HIVEP3: variants seen among roughly 807,000 people sequenced by gnomAD.
The protein encoded by HIVEP3 is transcription factor HIVEP3.
A neutral mutation model predicts 152.8 loss-of-function variants in HIVEP3; 49 were observed. The observed-to-expected ratio is 0.32, with a 90% CI of 0.26 to 0.41. The LOEUF (loss-of-function observed/expected upper bound fraction) is 0.41, where lower values mean the gene tolerates loss of function less well. HIVEP3 is among the 10% of genes least tolerant of loss of function. The pLI, the probability that HIVEP3 is intolerant of heterozygous loss-of-function variation, is 1.00. For missense variants in HIVEP3, 2,790 were observed against 3,103.3 expected (o/e 0.90, Z 2.40); for synonymous variants, 1,269 against 1,289.0 (o/e 0.98, Z 0.33).
chr1:41,748,948 G>GCA (rs1647113328), intron 1 of HIVEP3, among the ~76,000 whole-genome samples: 1 of 152,334 alleles, frequency 6.6e-6, no homozygotes. Flanking sequence ...TGGGCTCAGA[G>GCA]TGTGTGTGCC....
intron 5 of HIVEP3, among the ~76,000 whole-genome samples, chr1:41,568,468 C>T (rs1644202607): frequency 6.6e-6 from 1 of 152,202 alleles, no homozygotes; most frequent in African/African-American, 2.4e-5. Flanking sequence ...CACATGCAGG[C>T]CCGTGAGGGC....
chr1:41,739,163 C>T (rs1398628957), intron 1 of HIVEP3, among the ~76,000 whole-genome samples: 1 of 152,256 alleles, frequency 6.6e-6, no homozygotes, highest in Non-Finnish European at 1.5e-5. Context: ...GCCGCCTCTG[C>T]CCCTGCATGG....
At position 41,856,086 on chromosome 1, in the gene HIVEP3, A is replaced by T. The variant is rs1166479060; in HGVS notation, c.-801+62327T>A. Among the ~76,000 whole-genome samples the T allele has an allele frequency of 2.6e-5, 4 of 152,346 alleles. No individual in the cohort carries two copies. In the South Asian group the frequency reaches 8.3e-4, roughly 32 times the overall value. On this transcript the variant is annotated intron_variant, in intron 1 of 8. Transcript: ENST00000372583. ...CTGCCCATATGGAGAATACCAGAGC[A>T]TGGGAATGTGACCTGTATTACCAGA...
At chr1:41,945,120 T>G (rs1645067966) in intron 1 of HIVEP3, among the ~76,000 whole-genome samples, 1 of 152,090 alleles carries the variant, frequency 6.6e-6, no homozygotes, top group Admixed American at 6.5e-5. Flanking sequence ...AACTCACAAT[T>G]ATGTAAAAAG....
intron 1 of HIVEP3, among the ~76,000 whole-genome samples, chr1:41,926,269 C>A (rs1426154675): frequency 6.6e-6 from 1 of 152,200 alleles, no homozygotes; most frequent in Non-Finnish European, 1.5e-5. Flanking sequence ...AAGCCACACA[C>A]CTCCCCTGAC....
intron 1 of HIVEP3, among the ~76,000 whole-genome samples, chr1:42,026,271 C>A (rs1006972752): frequency 1.3e-5 from 2 of 152,116 alleles, no homozygotes; most frequent in African/African-American, 4.8e-5. Context: ...AGACTCTCCA[C>A]CTTGAGCAAG....
At position 41,510,383 on chromosome 1, in the gene HIVEP3, G is replaced by A. The variant is rs921929360; in HGVS notation, c.*68C>T. On this transcript the variant is annotated 3_prime_UTR_variant, in exon 9 of 9. Coordinates refer to ENST00000372583, the MANE Select transcript of HIVEP3 (RefSeq NM_024503.5). ...TGGGGCTGAGGAAGTGGGATGATTCGAGGAAAGTGGCTGGAAACGTCTGTT... is the reference window on the plus strand; with the variant it reads ...TGGGGCTGAGGAAGTGGGATGATTCAAGGAAAGTGGCTGGAAACGTCTGTT... 2.3e-5 allele frequency: 30 copies of A among 1,326,038 alleles called. No individual in the cohort carries two copies. The highest frequency in any genetic ancestry group is 1.4e-4 in the African/African-American group (9 of 65,652). The allele number at this position is 1,326,038 out of a possible 1,614,324, so 82.1% of individuals were successfully genotyped here. A position where few individuals can be genotyped will look rare whatever the true frequency, so the allele number is the denominator to read the frequency against.
intron 4 of HIVEP3, 76 bp from the exon 5 acceptor site, chr1:41,575,765 C>A: frequency 6.7e-7 from 1 of 1,498,840 alleles, no homozygotes; most frequent in South Asian, 1.2e-5. Context: ...TGCTAATAAT[C>A]ATGCCTTACA....
At chr1:41,666,378 C>T (rs528463138) in intron 2 of HIVEP3, among the ~76,000 whole-genome samples, 60 of 152,286 alleles carry the variant, frequency 3.9e-4, no homozygotes, top group African/African-American at 1.4e-3. Context: ...CTTGGAGCCA[C>T]ATAGACCTGG....
chr1:42,020,828 G>A (rs945733175), intron 1 of HIVEP3, among the ~76,000 whole-genome samples: 2 of 152,152 alleles, frequency 1.3e-5, no homozygotes, highest in Non-Finnish European at 2.9e-5. Flanking sequence ...GAGGTGGAAA[G>A]GAAAGGCCAC....
chr1:41,948,946 A>G (rs1645090120), intron 1 of HIVEP3, among the ~76,000 whole-genome samples: 1 of 152,194 alleles, frequency 6.6e-6, no homozygotes, highest in Non-Finnish European at 1.5e-5. Flanking sequence ...CAGCCCAGAA[A>G]TAAACACCAC....
At chr1:41,925,270 C>A (rs777447576) in intron 1 of HIVEP3, among the ~76,000 whole-genome samples, 1 of 152,202 alleles carries the variant, frequency 6.6e-6, no homozygotes, top group Non-Finnish European at 1.5e-5. Context: ...GTCAAAAATT[C>A]ATGTATAACT....
At chr1:41,935,260 A>T (rs1325504) in intron 1 of HIVEP3, among the ~76,000 whole-genome samples, 121,930 of 152,132 alleles carry the variant, frequency 0.8, 49,624 homozygotes, top group East Asian at 0.96. Flanking sequence ...GAAACTCGTC[A>T]AATCCACAGA....
At chr1:41,567,329 G>A (rs1481743924) in intron 5 of HIVEP3, among the ~76,000 whole-genome samples, 1 of 152,198 alleles carries the variant, frequency 6.6e-6, no homozygotes, top group Non-Finnish European at 1.5e-5. Context: ...TCAGGATCCT[G>A]CTCTTCGTGC....
upstream of HIVEP3, among the ~76,000 whole-genome samples, chr1:41,922,854 T>C (rs571824152): frequency 1.6e-4 from 24 of 151,680 alleles, no homozygotes; most frequent in African/African-American, 5.6e-4. Context: ...AAGAGAGAGA[T>C]AAAGAAAAGG....
At chr1:41,656,271 C>T (rs1387220705) in intron 2 of HIVEP3, among the ~76,000 whole-genome samples, 2 of 152,224 alleles carry the variant, frequency 1.3e-5, no homozygotes, top group Non-Finnish European at 2.9e-5. Flanking sequence ...AGCACTTGCA[C>T]ATCAAAGGCC....
intron 1 of HIVEP3, among the ~76,000 whole-genome samples, chr1:41,815,751 TTG>T (rs1651220614): frequency 7.9e-6 from 1 of 126,350 alleles, no homozygotes; most frequent in Non-Finnish European, 1.7e-5. Flanking sequence ...TGCTTTTTTA[TTG>T]TTTTTTTTTT....
intron 5 of HIVEP3, among the ~76,000 whole-genome samples, chr1:41,529,789 C>G (rs892899332): frequency 2.0e-5 from 3 of 149,364 alleles, no homozygotes; most frequent in African/African-American, 7.4e-5. Context: ...CCCACACACT[C>G]ATACATACAC....
At chr1:41,570,992 C>A (rs545032027) in intron 5 of HIVEP3, among the ~76,000 whole-genome samples, 46 of 152,260 alleles carry the variant, frequency 3.0e-4, no homozygotes, top group Non-Finnish European at 6.5e-4. Flanking sequence ...GCTTAAGGAG[C>A]ACTCTCCTGG....
Sources: gnomAD v4.1 joint callset for allele counts (sites outside exome capture counted in the v4.1 genomes callset) on GRCh38, gnomAD v4.1.1 for gene constraint, MANE v1.5 for transcripts, NCBI Gene and HGNC (gene_info 2026-07-23, HGNC 2026-07-21) for gene names.